The following PRSS8 variants were observed in gnomAD, a reference collection of about 807,000 sequenced individuals.
PRSS8 encodes the protein prostasin.
PRSS8 carries 11 observed loss-of-function variants against 26.7 expected under a neutral mutation model. The ratio of observed to expected loss-of-function variants is 0.41; its 90% CI spans 0.26 to 0.68. PRSS8 has a LOEUF of 0.68. Ranked by LOEUF, PRSS8 falls within the 30% of genes least tolerant of loss-of-function variation. PRSS8 has a pLI of 0.30. For synonymous variants in PRSS8, 183 were observed against 187.0 expected, an observed-to-expected ratio of 0.98 and a Z score of 0.17; for missense variants, 362 against 443.5, an observed-to-expected ratio of 0.82 and a Z score of 1.65.
In PRSS8 at chr16:31,132,170, G is replaced by T. The variant is rs767178542; in HGVS notation, c.871C>A (p.Arg291Ser). The stretch of plus-strand genomic sequence containing the variant: ...GACTCCTGGGTTTGGGGCACCACAC[G>T]AGGCTGGAGTTCTGTCACCTTGCTT... ...IQSKVTELQP[R>S]VVPQTQESQP... Residue 291 changes from arginine (R) to serine (S), a missense_variant, in exon 6 of 6, where the codon CGT becomes AGT. By Grantham distance (110) the Arg-to-Ser change is moderately radical (BLOSUM62 -1). Transcript: ENST00000317508. The surrounding 1 kb of genome is among the most constrained non-coding windows in gnomAD (Gnocchi z 5.2). The T allele has an allele frequency of 5.0e-6, 8 of 1,613,918 alleles. No individual in the cohort carries two copies. Among genetic ancestry groups the T allele is most frequent in the Non-Finnish European group, 6.8e-6 (8 of 1,179,856 alleles).
At position 31,133,809 on chromosome 16, in the gene PRSS8, G is replaced by A. The variant is rs1288890365; in HGVS notation, c.104-421C>T. On this transcript the variant is annotated intron_variant, in intron 2 of 5. Transcript: ENST00000317508. This position sits in a 1 kb window ranked among gnomAD's most constrained non-coding sequence, Gnocchi z 4.7. ...TTACCCGGGACCTTGGCTGATCCAG[G>A]TCACTCTACCTGGTATGCCCTTCCC... Among the ~76,000 whole-genome samples the A allele has an allele frequency of 6.6e-6, 1 of 152,308 alleles. No homozygotes were observed. The highest frequency in any genetic ancestry group is 6.5e-5 in the Admixed American group (1 of 15,296).
rs536976001 is a variant in PRSS8 at position 31,132,492 on chromosome 16, C to T, written c.642G>A (p.Pro214=). Residue 214 remains proline, a synonymous_variant, in exon 5 of 6, where the codon CCG becomes CCA. Coordinates refer to ENST00000317508, the MANE Select transcript of PRSS8 (RefSeq NM_002773.5). This position sits in a 1 kb window ranked among gnomAD's most constrained non-coding sequence, Gnocchi z 5.2. ...ACACCATGTCCTCTTGGACAAAGTG[C>T]GGCTCCTCAGGCTTGGCGTCGATGT... ...LYNIDAKPEE[P]HFVQEDMVCA... 6.8e-6 allele frequency: 11 copies of T among 1,613,930 alleles called. No homozygotes were observed. Among genetic ancestry groups the T allele is most frequent in the Non-Finnish European group, 9.3e-6 (11 of 1,179,894 alleles).
rs2057602091 is a variant in PRSS8 at position 31,135,529 on chromosome 16, C to G, written c.-31G>C. On this transcript the variant is annotated 5_prime_UTR_variant, in exon 1 of 6. Coordinates refer to ENST00000317508, the MANE Select transcript of PRSS8 (RefSeq NM_002773.5). ...AGGACAAGGGCCCCTGGGGCAGACT[C>G]CAGGCACGCAAGGTAGGAAGCCTTG... The G allele has an allele frequency of 6.7e-7, 1 of 1,501,340 alleles. No individual in the cohort carries two copies. Among genetic ancestry groups the G allele is most frequent in the Non-Finnish European group, 8.9e-7 (1 of 1,123,872 alleles). The allele number at this position is 1,501,340 out of a possible 1,614,324, so 93.0% of individuals were successfully genotyped here.
Position 31,133,329 on chromosome 16 carries a change from G to C in PRSS8, c.163C>G (p.Gln55Glu). ...ITGGSSAVAGQWPWQVSITYE... is the reference protein window; with the variant it reads ...ITGGSSAVAGEWPWQVSITYE... ...GTGATGCTGACCTGCCAGGGCCACT[G>C]ACCGGCGACTGCACTGCTGCCACCT... is the stretch of plus-strand genomic sequence containing the variant. Residue 55 changes from glutamine to glutamate, a missense_variant, in exon 3 of 6, where the codon CAG becomes GAG. Transcript: ENST00000317508. The surrounding 1 kb of genome is among the most constrained non-coding windows in gnomAD (Gnocchi z 4.7). The C allele has an allele frequency of 6.2e-7, 1 of 1,614,032 alleles. No individual in the cohort carries two copies. Among genetic ancestry groups the C allele is most frequent in the Non-Finnish European group, 8.5e-7 (1 of 1,179,894 alleles).
intron 2 of PRSS8, chr16:31,134,378 T>C (rs1399254763): frequency 6.6e-6 from 1 of 152,332 alleles, no homozygotes; most frequent in East Asian, 1.9e-4. Context: ...GAGACGGACA[T>C]GACCAGCTTC....
intron 1 of PRSS8, 65 bp from the exon 2 acceptor site, chr16:31,135,236 C>G (rs1281604350): frequency 6.8e-6 from 11 of 1,608,418 alleles, no homozygotes; most frequent in Non-Finnish European, 9.4e-6. Flanking sequence ...CCCTTAGTAC[C>G]CACCACTGCT....
At position 31,131,489 on chromosome 16, in the gene PRSS8, G is replaced by A. The variant is rs561465962; in HGVS notation, c.*520C>T. The A allele has an allele frequency of 2.0e-5, 12 of 596,234 alleles. No homozygotes were observed. The highest frequency in any genetic ancestry group is 5.8e-5 in the East Asian group (2 of 34,414). 36.9% of individuals were successfully genotyped at this position (596,234 alleles called of 1,614,324 possible). On this transcript the variant is annotated 3_prime_UTR_variant, in exon 6 of 6. Coordinates refer to ENST00000317508, the MANE Select transcript of PRSS8 (RefSeq NM_002773.5). The stretch of plus-strand genomic sequence containing the variant: ...TGTTACTCCCACCCCAGATCCAAGC[G>A]CCAGCCCAGTTCCGGTGGGGGCTCA...
At chr16:31,134,107 A>C (rs2057594517) in intron 2 of PRSS8, 1 of 152,976 alleles carries the variant, frequency 6.5e-6, no homozygotes, top group African/African-American at 2.4e-5. Context: ...TATATTCAAC[A>C]AACCAACAGC....
chr16:31,133,096 T>G lies in PRSS8; in HGVS notation c.266+130A>C. 1 of 1,574,108 alleles carries G rather than the reference T, an allele frequency of 6.4e-7. No individual in the cohort carries two copies. Among genetic ancestry groups the G allele is most frequent in the African/African-American group, 1.3e-5 (1 of 74,286 alleles). ...TCATGTAACCTCTGACCCCTCACCT[T>G]CACTCCTAACTGGTCCTTCCAGACT... On this transcript the variant is annotated intron_variant, in intron 3 of 5. Transcript: ENST00000317508. This position sits in a 1 kb window ranked among gnomAD's most constrained non-coding sequence, Gnocchi z 4.7.
rs755381583 is a variant in PRSS8, at chr16:31,132,432, G to A, written c.702C>T (p.Cys234=). The A allele has an allele frequency of 6.2e-7, 1 of 1,613,780 alleles. No individual in the cohort carries two copies. The highest frequency in any genetic ancestry group is 1.1e-5 in the South Asian group (1 of 91,088). The change falls in exon 5 of 6, where the codon TGC becomes TGT. Residue 234 remains cysteine, a synonymous_variant. Coordinates refer to ENST00000317508, the MANE Select transcript of PRSS8 (RefSeq NM_002773.5). The surrounding 1 kb of genome is among the most constrained non-coding windows in gnomAD (Gnocchi z 5.2). The stretch of plus-strand genomic sequence containing the variant: ...TGCCCCCCGGGCCTGTGCTTACCTG[G>A]CAGGCGTCCTTGCCCCCCTCCACAT... ...AGYVEGGKDA[C]QGDSGGPLSC... is the part of the protein sequence containing the mutation.
chr16:31,131,455 T>C lies in PRSS8; in HGVS notation c.*554A>G, dbSNP rs1596828746. On this transcript the variant is annotated 3_prime_UTR_variant, in exon 6 of 6. Coordinates refer to ENST00000317508, the MANE Select transcript of PRSS8 (RefSeq NM_002773.5). The stretch of plus-strand genomic sequence containing the variant: ...AAGTTGTGCTCAAACATTTTAATCA[T>C]TTCTGCCCTGTTACTCCCACCCCAG... 1.5e-6 allele frequency: 1 copy of C among 662,530 alleles called. No homozygotes were observed. The highest frequency in any genetic ancestry group is 2.8e-5 in the East Asian group (1 of 35,980). The allele number at this position is 662,530 out of a possible 1,614,324, so 41.0% of individuals were successfully genotyped here.
Position 31,132,492 on chromosome 16 carries a change from C to G in PRSS8, c.642G>C (p.Pro214=), listed in dbSNP as rs536976001. Reference sequence around the variant, plus strand: ...ACACCATGTCCTCTTGGACAAAGTGCGGCTCCTCAGGCTTGGCGTCGATGT... The same window carrying G: ...ACACCATGTCCTCTTGGACAAAGTGGGGCTCCTCAGGCTTGGCGTCGATGT... The part of the protein sequence containing the change: ...LYNIDAKPEE[P]HFVQEDMVCA... The change falls in exon 5 of 6, where the codon CCG becomes CCC. Residue 214 remains proline (P), a synonymous_variant. Coordinates refer to ENST00000317508, the MANE Select transcript of PRSS8 (RefSeq NM_002773.5). This position sits in a 1 kb window ranked among gnomAD's most constrained non-coding sequence, Gnocchi z 5.2. 1.2e-6 allele frequency: 2 copies of G among 1,614,048 alleles called. No homozygotes were observed. Among genetic ancestry groups the G allele is most frequent in the African/African-American group, 1.3e-5 (1 of 75,066 alleles).
chr16:31,135,501 C>G lies in PRSS8; in HGVS notation c.-3G>C. On this transcript the variant is annotated 5_prime_UTR_variant, in exon 1 of 6. Coordinates refer to ENST00000317508, the MANE Select transcript of PRSS8 (RefSeq NM_002773.5). ...CCCAGGACCCCCTTCTGGGCCATGG[C>G]CCAGGACAAGGGCCCCTGGGGCAGA... 6.5e-7 allele frequency: 1 copy of G among 1,549,994 alleles called. No individual in the cohort carries two copies. The highest frequency in any genetic ancestry group is 1.2e-5 in the South Asian group (1 of 83,736).
At position 31,133,383 on chromosome 16, in the gene PRSS8, A is replaced by C; in HGVS notation, c.109T>G (p.Cys37Gly). Reference sequence around the variant, plus strand: ...ATGCGTGCTTGGGGGGCCACACCGCAGGGAGCTGCCCAGGGAGGAAGGGAA... The same window carrying C: ...ATGCGTGCTTGGGGGGCCACACCGCCGGGAGCTGCCCAGGGAGGAAGGGAA... Reference protein sequence around the residue: ...GTGAEGAEAPCGVAPQARITG... With the variant: ...GTGAEGAEAPGGVAPQARITG... The change falls in exon 3 of 6, where the codon TGC becomes GGC. Residue 37 changes from cysteine (C) to glycine (G), a missense_variant. Cys to Gly is a radical substitution (Grantham distance 159, BLOSUM62 -3). Transcript: ENST00000317508. This position sits in a 1 kb window ranked among gnomAD's most constrained non-coding sequence, Gnocchi z 4.7. 1.2e-6 allele frequency: 2 copies of C among 1,613,804 alleles called. No homozygotes were observed. Among genetic ancestry groups the C allele is most frequent in the South Asian group, 2.2e-5 (2 of 91,068 alleles).
In PRSS8 at chr16:31,133,163, C is replaced by G. The variant is rs2057590130; in HGVS notation, c.266+63G>C. 10 of 1,610,104 alleles carry G rather than the reference C, an allele frequency of 6.2e-6. No homozygotes were observed. Among genetic ancestry groups the G allele is most frequent in the Non-Finnish European group, 8.5e-6 (10 of 1,178,996 alleles). ...AGACCCAACCCAAGAACCCCAACCT[C>G]TGACCTGGATTGACCCATTAACTTT... On this transcript the variant is annotated intron_variant, in intron 3 of 5. Transcript: ENST00000317508. This position sits in a 1 kb window ranked among gnomAD's most constrained non-coding sequence, Gnocchi z 4.7.
chr16:31,135,340 G>C, intron 1 of PRSS8, 74 bp downstream of exon 1: 1 of 1,571,134 alleles, frequency 6.4e-7, no homozygotes, highest in Non-Finnish European at 8.7e-7. Flanking sequence ...CCAGACAAGG[G>C]CACACCCCAG....
rs1298272516 is a variant in PRSS8, at chr16:31,135,691, C to T, written c.-193G>A. ...CGCAACGGGAGACGCCTGGAGTATCCGAAGCGAGCAGTGTGGACGAGTCAC... is the reference window on the plus strand; with the variant it reads ...CGCAACGGGAGACGCCTGGAGTATCTGAAGCGAGCAGTGTGGACGAGTCAC... On this transcript the variant is annotated 5_prime_UTR_variant, in exon 1 of 6. Transcript: ENST00000317508. 3.4e-5 allele frequency: 20 copies of T among 582,708 alleles called. No individual in the cohort carries two copies. Among genetic ancestry groups the T allele is most frequent in the African/African-American group, 3.7e-5 (2 of 53,408 alleles). The allele number at this position is 582,708 out of a possible 1,614,324, so 36.1% of individuals were successfully genotyped here. A position where few individuals can be genotyped will look rare whatever the true frequency, so the allele number is the denominator to read the frequency against.
In PRSS8 at chr16:31,132,863, G is replaced by A. The variant is rs2057588161; in HGVS notation, c.357C>T (p.Asp119=). ...SEDAKVSTLK[D]IIPHPSYLQE... ...GGAGGTAGCTGGGGTGGGGGATGAT[G>A]TCCTTCAGGGTGCTGACCTTGGCGT... is the stretch of plus-strand genomic sequence containing the variant. The change falls in exon 4 of 6, where the codon GAC becomes GAT. Residue 119 remains aspartate, a synonymous_variant. Transcript: ENST00000317508. This position sits in a 1 kb window ranked among gnomAD's most constrained non-coding sequence, Gnocchi z 5.2. 2 of 1,613,738 alleles carry A rather than the reference G, an allele frequency of 1.2e-6. No homozygotes were observed. The highest frequency in any genetic ancestry group is 1.3e-5 in the African/African-American group (1 of 74,894).
rs1233823104 is a variant in PRSS8 at position 31,133,581 on chromosome 16, C to T, written c.104-193G>A. 2.0e-5 allele frequency among the ~76,000 whole-genome samples: 3 copies of T among 152,316 alleles called. No homozygotes were observed. The highest frequency in any genetic ancestry group is 1.3e-4 in the Admixed American group (2 of 15,294). On this transcript the variant is annotated intron_variant, in intron 2 of 5. Coordinates refer to ENST00000317508, the MANE Select transcript of PRSS8 (RefSeq NM_002773.5). This position sits in a 1 kb window ranked among gnomAD's most constrained non-coding sequence, Gnocchi z 4.7. ...TTCAGGTCTCATGGCAGCTTCTCTCCTTGCAAGCCTTCCATCCATCCCGCC... is the reference window on the plus strand; with the variant it reads ...TTCAGGTCTCATGGCAGCTTCTCTCTTTGCAAGCCTTCCATCCATCCCGCC...
Sources: allele counts gnomAD v4.1 joint callset (sites outside exome capture counted in the v4.1 genomes callset), GRCh38; gene constraint gnomAD v4.1.1; non-coding constraint Gnocchi (gnomAD v3.1); transcripts MANE v1.5; gene names NCBI Gene and HGNC (gene_info 2026-07-23, HGNC 2026-07-21).